The following LMNTD1 variants were observed in gnomAD, a reference collection of about 807,000 sequenced individuals.
The protein encoded by LMNTD1 is lamin tail domain-containing protein 1.
Under a neutral mutation model 50.9 loss-of-function variants are expected in LMNTD1, and 35 were observed. That is an observed-to-expected ratio of 0.69 (90% CI 0.53 to 0.91). The LOEUF is 0.91. Among genes scored for constraint, LMNTD1 ranks in the 40% least tolerant of loss-of-function variants. LMNTD1 has a pLI of 0.00. For missense variants in LMNTD1, 470 were observed against 475.5 expected, an observed-to-expected ratio of 0.99 and a Z score of 0.11; for synonymous variants, 153 against 161.9, an observed-to-expected ratio of 0.94 and a Z score of 0.42.
intron 1 of LMNTD1, among the ~76,000 whole-genome samples, chr12:25,566,067 G>A (rs1381364762): frequency 2.6e-5 from 4 of 151,980 alleles, no homozygotes; most frequent in Non-Finnish European, 5.9e-5. Context: ...ATACCTTGAC[G>A]TAGTCTTCTT....
intron 6 of LMNTD1, among the ~76,000 whole-genome samples, chr12:25,522,920 T>C (rs953285357): frequency 7.2e-5 from 11 of 152,212 alleles, no homozygotes; most frequent in African/African-American, 2.7e-4. Flanking sequence ...TATTAAGCCA[T>C]AAGATTTGTA....
intron 4 of LMNTD1, among the ~76,000 whole-genome samples, chr12:25,539,825 T>C (rs1942919197): frequency 7.0e-6 from 1 of 143,702 alleles, no homozygotes; most frequent in African/African-American, 2.6e-5. Context: ...GATAGACCGC[T>C]AGCAAGACTA....
chr12:25,609,209 G>A (rs913580433), intron 1 of LMNTD1, among the ~76,000 whole-genome samples: 1 of 152,092 alleles, frequency 6.6e-6, no homozygotes, highest in African/African-American at 2.4e-5. Flanking sequence ...GTTTATTCTA[G>A]TTAGCCATTC....
intron 4 of LMNTD1, among the ~76,000 whole-genome samples, chr12:25,533,615 T>C (rs1942367769): frequency 6.6e-6 from 1 of 152,148 alleles, no homozygotes; most frequent in African/African-American, 2.4e-5. Context: ...TATGGGCTGA[T>C]GAAAGGGTAC....
chr12:25,619,248 CTCTCTATATA>C (rs1311066077), intron 1 of LMNTD1, among the ~76,000 whole-genome samples: 58 of 78,540 alleles, frequency 7.4e-4, no homozygotes, highest in Non-Finnish European at 1.1e-3. Context: ...CTCTCTCTCT[CTCTCTATATA>C]TATATATATA....
intron 1 of LMNTD1, among the ~76,000 whole-genome samples, chr12:25,608,080 A>G (rs112986834): frequency 6.6e-6 from 1 of 152,030 alleles, no homozygotes; most frequent in African/African-American, 2.4e-5. Flanking sequence ...TCCCTTTACC[A>G]TTATGTAATG....
intron 1 of LMNTD1, among the ~76,000 whole-genome samples, chr12:25,633,255 C>G (rs1401876005): frequency 6.6e-6 from 1 of 152,018 alleles, no homozygotes; most frequent in Non-Finnish European, 1.5e-5. Flanking sequence ...ACTGACAGCA[C>G]TAGATAGATC....
At chr12:25,619,240 CTCTCTCTCTCTCTATATA>C (rs1205235291) in intron 1 of LMNTD1, among the ~76,000 whole-genome samples, 16 of 62,428 alleles carry the variant, frequency 2.6e-4, no homozygotes, top group Admixed American at 8.6e-4. Flanking sequence ...CTCTCTCTCT[CTCTCTCTCTCTCTATATA>C]TATATATATA....
rs1270499737 is a variant in LMNTD1, at chr12:25,520,010, T to C, written c.864A>G (p.Glu288=). Residue 288 remains glutamate (E), a synonymous_variant, in exon 7 of 10, where the codon GAA becomes GAG. Coordinates refer to ENST00000458174, the MANE Select transcript of LMNTD1 (RefSeq NM_001145728.2). ...GAGATACTACTGAACATCTGTTAAATTCAACGTCAGCATCTAATTTTTCCC... is the reference window on the plus strand; with the variant it reads ...GAGATACTACTGAACATCTGTTAAACTCAACGTCAGCATCTAATTTTTCCC... The part of the protein sequence containing the change: ...QAWEKLDADV[E]FNRCSVVSPT... 2 of 1,613,718 alleles carry C rather than the reference T, an allele frequency of 1.2e-6. No individual in the cohort carries two copies. The highest frequency in any genetic ancestry group is 1.1e-5 in the South Asian group (1 of 91,064).
chr12:25,532,158 T>C (rs2136124809), intron 4 of LMNTD1, among the ~76,000 whole-genome samples: 1 of 152,008 alleles, frequency 6.6e-6, no homozygotes, highest in East Asian at 1.9e-4. Flanking sequence ...GTATACGTTG[T>C]TTTTTTTGTT....
intron 8 of LMNTD1, among the ~76,000 whole-genome samples, chr12:25,507,423 T>C (rs1021646203): frequency 2.0e-5 from 3 of 152,230 alleles, no homozygotes; most frequent in African/African-American, 7.2e-5. Context: ...CTTGAAATGG[T>C]AGCTTAATTC....
At chr12:25,527,046 T>A in intron 4 of LMNTD1, 91 bp from the exon 5 acceptor site, 3 of 888,264 alleles carry the variant, frequency 3.4e-6, no homozygotes, top group Non-Finnish European at 5.0e-6. Context: ...TGCTTGAAAG[T>A]TGTTCTTAAA....
intron 9 of LMNTD1, among the ~76,000 whole-genome samples, chr12:25,486,711 T>C (rs535067467): frequency 0.018 from 2,648 of 150,350 alleles, 87 homozygotes; most frequent in African/African-American, 0.061. Flanking sequence ...GTTTTTAGCA[T>C]GAAGGGTTGT....
chr12:25,503,986 C>A (rs7306993), intron 8 of LMNTD1, among the ~76,000 whole-genome samples, 186 bp from the exon 9 acceptor site: 5 of 152,056 alleles, frequency 3.3e-5, no homozygotes, highest in African/African-American at 1.2e-4. Context: ...TTAGGGGAGA[C>A]TTGAACAAAG....
chr12:25,504,113 C>G (rs1158706313), intron 8 of LMNTD1, among the ~76,000 whole-genome samples: 1 of 152,092 alleles, frequency 6.6e-6, no homozygotes, highest in Non-Finnish European at 1.5e-5. Context: ...TTTTGGGACA[C>G]AAAATATCCA....
intron 6 of LMNTD1, among the ~76,000 whole-genome samples, chr12:25,521,615 G>A (rs1158655215): frequency 6.6e-6 from 1 of 152,116 alleles, no homozygotes; most frequent in Admixed American, 6.5e-5. Flanking sequence ...GGTGGTATTG[G>A]GAACTGCTTT....
At chr12:25,590,117 T>C (rs543621344) in intron 1 of LMNTD1, among the ~76,000 whole-genome samples, 1 of 144,840 alleles carries the variant, frequency 6.9e-6, no homozygotes, top group African/African-American at 2.4e-5. Flanking sequence ...ACACAATACT[T>C]GGTTCTAACT....
rs114128728 is a variant in LMNTD1 at position 25,476,108 on chromosome 12, T to C, written c.*375A>G. On this transcript the variant is annotated 3_prime_UTR_variant, in exon 10 of 10. Transcript: ENST00000458174. ...TGGAAAAAAGAGATTTATCAGTCAA[T>C]GTAAAATGGTTAAACAATTGCACGT... 170 of 152,350 alleles carry C rather than the reference T, an allele frequency of 1.1e-3. No homozygotes were observed. Among genetic ancestry groups the C allele is most frequent in the African/African-American group, 3.8e-3 (158 of 41,572 alleles). The allele number at this position is 152,350 out of a possible 1,614,324, so 9.4% of individuals were successfully genotyped here.
intron 2 of LMNTD1, 104 bp downstream of exon 2, chr12:25,552,767 A>G: frequency 1.4e-6 from 1 of 695,868 alleles, no homozygotes; most frequent in Non-Finnish European, 2.5e-6. Context: ...TTCTAGTTCT[A>G]ACTGGTTCAT....
Sources: allele counts gnomAD v4.1 joint callset (sites outside exome capture counted in the v4.1 genomes callset), GRCh38; gene constraint gnomAD v4.1.1; transcripts MANE v1.5; gene names NCBI Gene and HGNC (gene_info 2026-07-23, HGNC 2026-07-21).